Variants in KDM4B observed in about 807,000 individuals in gnomAD.
The protein encoded by KDM4B is lysine-specific demethylase 4B.
In KDM4B, 32 loss-of-function variants were observed where a neutral mutation model predicts 125.2. The observed-to-expected ratio is 0.26, with a 90% CI of 0.19 to 0.34. The LOEUF (loss-of-function observed/expected upper bound fraction) is 0.34, where lower values mean the gene tolerates loss of function less well. Among genes scored for constraint, KDM4B ranks in the 10% least tolerant of loss-of-function variants. The pLI is 1.00. For synonymous variants in KDM4B, 721 were observed against 677.9 expected, an observed-to-expected ratio of 1.06 and a Z score of -0.99; for missense variants, 1,190 against 1,577.7, an observed-to-expected ratio of 0.75 and a Z score of 4.16.
chr19:4,990,814 A>G (rs372054470), intron 1 of KDM4B, among the ~76,000 whole-genome samples: 1 of 151,850 alleles, frequency 6.6e-6, no homozygotes. Context: ...TCCCTTTATT[A>G]TTTTTTTTAA....
chr19:5,090,263 C>T (rs1476924251), intron 9 of KDM4B, among the ~76,000 whole-genome samples: 7 of 152,118 alleles, frequency 4.6e-5, no homozygotes, highest in African/African-American at 1.7e-4. Context: ...ATGCCCTGGC[C>T]TCGCCAGGCT....
In KDM4B at chr19:5,110,782, C is replaced by A. The variant is rs762651029; in HGVS notation, c.1079C>A (p.Ala360Glu). The change falls in exon 10 of 23, where the codon GCA becomes GAA. Residue 360 changes from alanine (A) to glutamate (E), a missense_variant. Ala to Glu is a moderately radical substitution (Grantham distance 107). Around this residue, in one of 7 missense-constraint regions of KDM4B, gnomAD observed 428 missense variants for 405.1 expected, o/e 1.06. Coordinates refer to ENST00000159111, the MANE Select transcript of KDM4B (RefSeq NM_015015.3). ...AGCCCCGAGCTGAGCTCCTGGAGTG[C>A]ATCCCGGGCCTCGCTGAAGGCCAAG... ...LTSPELSSWS[A>E]SRASLKAKLL... is the part of the protein sequence containing the mutation. The A allele has an allele frequency of 2.4e-5, 38 of 1,602,912 alleles. No homozygotes were observed. The East Asian group carries it at 8.6e-4, about 36-fold the overall frequency.
At chr19:5,010,306 C>G (rs2035687677) in intron 1 of KDM4B, among the ~76,000 whole-genome samples, 1 of 152,218 alleles carries the variant, frequency 6.6e-6, no homozygotes, top group African/African-American at 2.4e-5. Flanking sequence ...GCTCATGCTG[C>G]TCCTTCCCTG....
chr19:5,106,655 G>A (rs1259205033), intron 9 of KDM4B, among the ~76,000 whole-genome samples: 3 of 152,234 alleles, frequency 2.0e-5, no homozygotes, highest in Non-Finnish European at 2.9e-5. Flanking sequence ...GCTGGCAAGC[G>A]GCACTGTCCA....
At chr19:5,138,138 A>G in intron 18 of KDM4B, 68 bp downstream of exon 18, 5 of 1,223,900 alleles carry the variant, frequency 4.1e-6, no homozygotes, top group Non-Finnish European at 5.9e-6. Context: ...TCGGCTCCCC[A>G]CCTGCGCGAT....
At chr19:4,995,893 A>G (rs1028536961) in intron 1 of KDM4B, among the ~76,000 whole-genome samples, 2 of 152,236 alleles carry the variant, frequency 1.3e-5, no homozygotes, top group African/African-American at 4.8e-5. Flanking sequence ...TGTCACGCGT[A>G]GATCTTTGCT....
chr19:5,060,713 C>T (rs1222530067), intron 6 of KDM4B, among the ~76,000 whole-genome samples: 5 of 152,128 alleles, frequency 3.3e-5, no homozygotes, highest in Non-Finnish European at 7.3e-5. Context: ...AGGGAGGTTG[C>T]TGTGTGTCAG....
chr19:5,032,176 G>A (rs374053299), intron 2 of KDM4B, among the ~76,000 whole-genome samples: 33 of 152,236 alleles, frequency 2.2e-4, no homozygotes, highest in African/African-American at 7.2e-4. Context: ...GTCTGACTCC[G>A]ATGTTTCCAG....
chr19:5,130,521 T>C (rs2039523282), intron 11 of KDM4B, among the ~76,000 whole-genome samples: 1 of 151,470 alleles, frequency 6.6e-6, no homozygotes, highest in Non-Finnish European at 1.5e-5. Context: ...GGTTCGCTCA[T>C]GTGACCGCCA....
At chr19:5,150,240 C>G (rs939016724) in intron 21 of KDM4B, 118 bp from the exon 22 acceptor site, 21 of 693,524 alleles carry the variant, frequency 3.0e-5, no homozygotes, top group African/African-American at 2.5e-4. Context: ...TGCATGTGGC[C>G]TCTAGCGGGC....
At chr19:5,135,601 T>C in intron 15 of KDM4B, 40 bp downstream of exon 15, 1 of 1,502,138 alleles carries the variant, frequency 6.7e-7, no homozygotes, top group South Asian at 1.2e-5. Flanking sequence ...TGCGCCCTCC[T>C]TCAGGGTGTT....
intron 9 of KDM4B, among the ~76,000 whole-genome samples, chr19:5,089,527 A>T (rs150666674): frequency 6.6e-6 from 1 of 152,264 alleles, no homozygotes; most frequent in East Asian, 1.9e-4. Context: ...AAGGGAAAAA[A>T]TAGGCTGTGG....
intron 6 of KDM4B, among the ~76,000 whole-genome samples, chr19:5,048,737 C>T (rs897078503): frequency 2.6e-5 from 4 of 152,230 alleles, no homozygotes; most frequent in Non-Finnish European, 4.4e-5. Flanking sequence ...TAGAGGACCC[C>T]GTGTGACTTG....
intron 1 of KDM4B, among the ~76,000 whole-genome samples, chr19:5,009,314 G>T (rs1280244700): frequency 6.6e-6 from 1 of 152,162 alleles, no homozygotes; most frequent in Non-Finnish European, 1.5e-5. Context: ...TAAATAAGAG[G>T]CTGTTTCCCT....
rs768464854 is a variant in KDM4B, at chr19:4,972,982, G to A, written c.-109+3752G>A. Among the ~76,000 whole-genome samples the A allele has an allele frequency of 6.9e-4, 105 of 152,292 alleles. 1 individual carries two copies. Among genetic ancestry groups the A allele is most frequent in the Non-Finnish European group, 1.4e-3 (96 of 68,024 alleles). The stretch of plus-strand genomic sequence containing the variant: ...TCCTGGGCTGCTCTTTGGCCTCTGA[G>A]CTTTGGCAGGTCCTTGCCCAGGCTT... On this transcript the variant is annotated intron_variant, in intron 1 of 22. Coordinates refer to ENST00000159111, the MANE Select transcript of KDM4B (RefSeq NM_015015.3).
chr19:5,121,526 C>A (rs78348483), intron 11 of KDM4B, among the ~76,000 whole-genome samples: 2 of 152,284 alleles, frequency 1.3e-5, no homozygotes, highest in South Asian at 2.1e-4. Flanking sequence ...GCACAGAAAC[C>A]CAATCTCGCC....
At chr19:5,104,395 C>G (rs888099995) in intron 9 of KDM4B, among the ~76,000 whole-genome samples, 60 of 152,034 alleles carry the variant, frequency 3.9e-4, no homozygotes, top group African/African-American at 1.4e-3. Flanking sequence ...ACATGGGAGA[C>G]GTGACTCTTT....
chr19:5,131,520 C>T lies in KDM4B; in HGVS notation c.1760C>T (p.Thr587Ile), dbSNP rs765987179. Reference protein sequence around the residue: ...AASSGAGRMETKARAGEGQAP... With the variant: ...AASSGAGRMEIKARAGEGQAP... ...AGCAGTGGGGCAGGTCGCATGGAGA[C>T]CAAAGCCCGGGCCGGAGAGGGGCAG... Residue 587 changes from threonine to isoleucine, a missense_variant, in exon 12 of 23, where the codon ACC becomes ATC. Thr to Ile is a moderately conservative substitution (Grantham distance 89, BLOSUM62 -1). Transcript: ENST00000159111. 1.1e-5 allele frequency: 15 copies of T among 1,314,332 alleles called. No individual in the cohort carries two copies. Among genetic ancestry groups the T allele is most frequent in the Middle Eastern group, 2.0e-4 (1 of 5,028 alleles). 81.4% of individuals were successfully genotyped at this position (1,314,332 alleles called of 1,614,324 possible). A position where few individuals can be genotyped will look rare whatever the true frequency, so the allele number is the denominator to read the frequency against.
chr19:5,128,626 C>T (rs912842903), intron 11 of KDM4B, among the ~76,000 whole-genome samples: 7 of 152,322 alleles, frequency 4.6e-5, no homozygotes, highest in Admixed American at 6.5e-5. Context: ...GTGAGGCGTG[C>T]GGCCTCTGCA....
Sources: allele counts gnomAD v4.1 joint callset (sites outside exome capture counted in the v4.1 genomes callset), GRCh38; gene constraint gnomAD v4.1.1; regional missense constraint gnomAD v4.1.1; transcripts MANE v1.5; gene names NCBI Gene and HGNC (gene_info 2026-07-23, HGNC 2026-07-21).